Variants in ARHGAP8 observed in about 807,000 individuals in gnomAD.
ARHGAP8 encodes rho GTPase-activating protein 8.
ARHGAP8 carries 62 observed loss-of-function variants against 46.1 expected under a neutral mutation model. The observed-to-expected ratio is 1.34, with a 90% CI of 1.10 to 1.66. The LOEUF is 1.66. ARHGAP8 is among the 40% of genes most tolerant of loss of function. The pLI, the probability that ARHGAP8 is intolerant of heterozygous loss-of-function variation, is 0.00. For missense variants in ARHGAP8, 923 were observed against 568.4 expected (o/e 1.62, Z -6.34); for synonymous variants, 375 against 243.1 (o/e 1.54, Z -5.05).
chr22:44,859,702 G>A (rs763483302), intron 10 of ARHGAP8, 29 bp from the exon 11 acceptor site: 4 of 1,610,348 alleles, frequency 2.5e-6, no homozygotes, highest in South Asian at 2.2e-5. Flanking sequence ...CCCCTCTGGA[G>A]CTCAGCAGGG....
intron 2 of ARHGAP8, among the ~76,000 whole-genome samples, chr22:44,787,820 C>T (rs1417187546): frequency 6.6e-6 from 1 of 151,840 alleles, no homozygotes; most frequent in East Asian, 1.9e-4. Context: ...GTTAAAGACC[C>T]CAGAAACATG....
At chr22:44,847,854 A>G (rs2069995219) in intron 8 of ARHGAP8, 119 bp from the exon 9 acceptor site, 2 of 1,311,074 alleles carry the variant, frequency 1.5e-6, no homozygotes, top group East Asian at 2.4e-5. Context: ...TGAGGAACAA[A>G]TAAATGTGTG....
At chr22:44,779,295 T>G (rs144683448) in intron 1 of ARHGAP8, among the ~76,000 whole-genome samples, 4,430 of 152,028 alleles carry the variant, frequency 0.029, 67 homozygotes, top group South Asian at 0.068. Flanking sequence ...GAGATGGGGT[T>G]TCACCATGTT....
chr22:44,757,556 C>T (rs1344376863), intron 1 of ARHGAP8, among the ~76,000 whole-genome samples: 1 of 151,932 alleles, frequency 6.6e-6, no homozygotes, highest in African/African-American at 2.4e-5. Flanking sequence ...GGATTGCAGG[C>T]GTGAGCCACC....
chr22:44,835,265 C>T (rs1046992838), intron 7 of ARHGAP8, among the ~76,000 whole-genome samples: 2 of 150,666 alleles, frequency 1.3e-5, no homozygotes, highest in Non-Finnish European at 2.9e-5. Context: ...AGTATTTTCT[C>T]AATTGTTGCC....
intron 1 of ARHGAP8, among the ~76,000 whole-genome samples, chr22:44,774,349 T>C (rs554828341): frequency 1.3e-5 from 2 of 152,302 alleles, no homozygotes; most frequent in East Asian, 3.9e-4. Flanking sequence ...TCACTGCCGA[T>C]GTCTGTGCCA....
intron 5 of ARHGAP8, among the ~76,000 whole-genome samples, chr22:44,815,334 G>A (rs1205719955): frequency 6.6e-6 from 1 of 152,160 alleles, no homozygotes; most frequent in East Asian, 1.9e-4. Context: ...TAGGCACGGA[G>A]CATCCACCCG....
chr22:44,783,569 C>T (rs925315974), intron 1 of ARHGAP8, among the ~76,000 whole-genome samples: 1 of 152,192 alleles, frequency 6.6e-6, no homozygotes, highest in Non-Finnish European at 1.5e-5. Context: ...CCCACCTCCC[C>T]TAGGTCTCTC....
chr22:44,845,787 T>C lies in ARHGAP8; in HGVS notation c.670+445T>C, dbSNP rs1467264470. On this transcript the variant is annotated intron_variant, in intron 8 of 11. Transcript: ENST00000356099. ...GTGCAGTCAAGAACTTGGAGTGGGG[T>C]GAGCCTTGTGGGCTCTCCACAGCTC... 2.6e-5 allele frequency among the ~76,000 whole-genome samples: 4 copies of C among 152,108 alleles called. No homozygotes were observed. The South Asian group carries it at 6.2e-4, about 24-fold the overall frequency.
At chr22:44,833,732 G>C (rs548453893) in intron 7 of ARHGAP8, among the ~76,000 whole-genome samples, 9 of 152,154 alleles carry the variant, frequency 5.9e-5, no homozygotes, top group African/African-American at 2.2e-4. Context: ...TACCATATTA[G>C]AGTTAATTTG....
intron 1 of ARHGAP8, among the ~76,000 whole-genome samples, chr22:44,772,196 T>C (rs1926062655): frequency 6.7e-6 from 1 of 150,284 alleles, no homozygotes; most frequent in South Asian, 2.1e-4. Context: ...ACTATGTTTT[T>C]ATGTTTCTGT....
chr22:44,812,364 GT>G (rs1198428931), intron 4 of ARHGAP8, among the ~76,000 whole-genome samples: 22 of 117,278 alleles, frequency 1.9e-4, no homozygotes, highest in African/African-American at 4.4e-4. Context: ...TTTGCTTTCT[GT>G]TTTTTTTTTT....
intron 1 of ARHGAP8, among the ~76,000 whole-genome samples, chr22:44,781,153 C>T (rs551546649): frequency 2.0e-5 from 3 of 152,292 alleles, no homozygotes; most frequent in South Asian, 2.1e-4. Flanking sequence ...ACTGACGACC[C>T]GCCGCTCTGG....
intron 10 of ARHGAP8, among the ~76,000 whole-genome samples, chr22:44,854,871 C>G (rs751570642): frequency 6.6e-6 from 1 of 152,326 alleles, no homozygotes; most frequent in South Asian, 2.1e-4. Flanking sequence ...GTCTTGAGCT[C>G]CTGACCTCAG....
At chr22:44,844,572 C>A (rs887971499) in intron 7 of ARHGAP8, among the ~76,000 whole-genome samples, 1 of 152,092 alleles carries the variant, frequency 6.6e-6, no homozygotes, top group African/African-American at 2.4e-5. Flanking sequence ...AAGTGAGTCC[C>A]CTGCCTCAGC....
At chr22:44,804,127 G>A (rs1476814003) in intron 3 of ARHGAP8, among the ~76,000 whole-genome samples, 3 of 152,010 alleles carry the variant, frequency 2.0e-5, no homozygotes, top group Admixed American at 6.5e-5. Context: ...CTCGCACCCT[G>A]CACCCTCTGC....
chr22:44,804,370 C>A (rs938322380), intron 3 of ARHGAP8, among the ~76,000 whole-genome samples: 2 of 151,666 alleles, frequency 1.3e-5, no homozygotes, highest in African/African-American at 2.4e-5. Context: ...CTGCTGGAAT[C>A]CCTGTCTGTG....
At chr22:44,809,361 A>C (rs903088055) in intron 4 of ARHGAP8, 1 of 368,094 alleles carries the variant, frequency 2.7e-6, no homozygotes, top group Non-Finnish European at 5.5e-6. Context: ...GGCTAGGTTC[A>C]TCCTGCCTGC....
intron 2 of ARHGAP8, among the ~76,000 whole-genome samples, chr22:44,796,593 T>C (rs911220702): frequency 3.9e-5 from 6 of 152,008 alleles, no homozygotes; most frequent in African/African-American, 1.5e-4. Context: ...GGGCCCTGGA[T>C]TTCCAGAGGT....
Sources: gnomAD v4.1 joint callset for allele counts (sites outside exome capture counted in the v4.1 genomes callset) on GRCh38, gnomAD v4.1.1 for gene constraint, MANE v1.5 for transcripts, NCBI Gene and HGNC (gene_info 2026-07-23, HGNC 2026-07-21) for gene names.